ETFA: variants seen among roughly 807,000 people sequenced by gnomAD.
ETFA encodes the protein electron transfer flavoprotein subunit alpha, mitochondrial.
ETFA carries 22 observed loss-of-function variants against 46.2 expected under a neutral mutation model. The ratio of observed to expected loss-of-function variants is 0.48; its 90% CI spans 0.34 to 0.68. The LOEUF (loss-of-function observed/expected upper bound fraction) is 0.68. Among genes scored for constraint, ETFA ranks in the 30% least tolerant of loss-of-function variants. The pLI is 0.01. For synonymous variants in ETFA, 131 were observed against 139.9 expected (o/e 0.94, Z 0.45); for missense variants, 345 against 401.1 (o/e 0.86, Z 1.19).
chr15:76,264,845 A>T (rs2039454104), intron 9 of ETFA, among the ~76,000 whole-genome samples: 1 of 152,252 alleles, frequency 6.6e-6, no homozygotes, highest in Non-Finnish European at 1.5e-5. Context: ...CAAAAAAGGA[A>T]TGTAGAAATG....
chr15:76,227,440 C>G (rs943247849), intron 10 of ETFA, among the ~76,000 whole-genome samples: 4 of 131,572 alleles, frequency 3.0e-5, no homozygotes, highest in African/African-American at 1.2e-4. Flanking sequence ...TCGCTCAACT[C>G]TGGGAGGTGG....
intron 1 of ETFA, among the ~76,000 whole-genome samples, chr15:76,299,196 T>C (rs2039856811): frequency 6.6e-6 from 1 of 152,350 alleles, no homozygotes; most frequent in African/African-American, 2.4e-5. Context: ...ACCTGGGCTC[T>C]CAAAACTGTC....
intron 1 of ETFA, among the ~76,000 whole-genome samples, 199 bp from the exon 2 acceptor site, chr15:76,295,936 C>CCTTTTTTTTTTTTTTTTTT (rs2039816100): frequency 1.9e-4 from 9 of 46,602 alleles, no homozygotes; most frequent in African/African-American, 6.1e-4. Flanking sequence ...CACTAATATT[C>CCTTTTTTTTTTTTTTTTTT]TTTTTTTTTT....
At chr15:76,289,773 T>C (rs1001151087) in intron 4 of ETFA, among the ~76,000 whole-genome samples, 4 of 152,266 alleles carry the variant, frequency 2.6e-5, no homozygotes, top group African/African-American at 4.8e-5. Flanking sequence ...CTTCTTCTGA[T>C]AGACGTTTCT....
At chr15:76,269,086 C>T (rs1230499227) in intron 9 of ETFA, among the ~76,000 whole-genome samples, 1 of 152,234 alleles carries the variant, frequency 6.6e-6, no homozygotes, top group Admixed American at 6.5e-5. Context: ...GGAAGCTCTA[C>T]ACTTGCAGAT....
intron 8 of ETFA, among the ~76,000 whole-genome samples, chr15:76,282,130 C>T (rs1307201641): frequency 1.3e-5 from 2 of 151,968 alleles, no homozygotes; most frequent in African/African-American, 2.4e-5. Context: ...TCTCAAACTC[C>T]GGACCTCAGG....
At chr15:76,301,260 A>C (rs1309903142) in intron 1 of ETFA, among the ~76,000 whole-genome samples, 1 of 152,142 alleles carries the variant, frequency 6.6e-6, no homozygotes, top group Non-Finnish European at 1.5e-5. Context: ...TCATTACAGC[A>C]CTTATCACAC....
At chr15:76,216,919 C>G (rs1404367997) in intron 11 of ETFA, among the ~76,000 whole-genome samples, 2 of 142,004 alleles carry the variant, frequency 1.4e-5, no homozygotes, top group East Asian at 4.1e-4. Flanking sequence ...AATTATGGCT[C>G]ACTGCAGCAT....
At position 76,295,732 on chromosome 15, in the gene ETFA, T is replaced by C; in HGVS notation, c.45A>G (p.Ser15=). 1 of 1,608,304 alleles carries C rather than the reference T, an allele frequency of 6.2e-7. No homozygotes were observed. The highest frequency in any genetic ancestry group is 8.5e-7 in the Non-Finnish European group (1 of 1,178,774). ...AAPGQLRRAA[S]LLRFQSTLVI... Reference sequence around the variant, plus strand: ...CCAGGGTACTCTGAAATCGTAGCAATGAGGCCTAAAAAGAGCAAAAAGGAA... The same window carrying C: ...CCAGGGTACTCTGAAATCGTAGCAACGAGGCCTAAAAAGAGCAAAAAGGAA... The change falls in exon 2 of 12, where the codon TCA becomes TCG. Residue 15 remains serine (S), a synonymous_variant. Coordinates refer to ENST00000557943, the MANE Select transcript of ETFA (RefSeq NM_000126.4).
chr15:76,254,178 G>A (rs575858440), intron 9 of ETFA, among the ~76,000 whole-genome samples: 1 of 152,324 alleles, frequency 6.6e-6, no homozygotes, highest in South Asian at 2.1e-4. Flanking sequence ...CTTTTTGGTT[G>A]AGGAAACACA....
chr15:76,224,159 G>C (rs959915741), intron 11 of ETFA, among the ~76,000 whole-genome samples: 1 of 151,874 alleles, frequency 6.6e-6, no homozygotes, highest in African/African-American at 2.4e-5. Flanking sequence ...TTCTTACTAC[G>C]TGAACAAAGT....
chr15:76,281,539 C>T (rs137944156), intron 8 of ETFA, among the ~76,000 whole-genome samples: 62 of 152,134 alleles, frequency 4.1e-4, no homozygotes, highest in African/African-American at 1.4e-3. Flanking sequence ...GTTTCTCCTG[C>T]CTTAGCCTCC....
At chr15:76,277,751 C>A (rs777794925) in intron 8 of ETFA, among the ~76,000 whole-genome samples, 4 of 152,198 alleles carry the variant, frequency 2.6e-5, no homozygotes, top group Admixed American at 6.5e-5. Context: ...GATCTGCCCA[C>A]CTCGGCCTCC....
intron 9 of ETFA, among the ~76,000 whole-genome samples, chr15:76,265,714 CTT>C (rs2039464280): frequency 1.3e-5 from 2 of 152,062 alleles, no homozygotes; most frequent in East Asian, 1.9e-4. Context: ...GGGGTAGAGA[CTT>C]ATTGCAACAA....
At chr15:76,286,021 T>C (rs1341444565) in intron 6 of ETFA, among the ~76,000 whole-genome samples, 1 of 152,194 alleles carries the variant, frequency 6.6e-6, no homozygotes, top group Non-Finnish European at 1.5e-5. Flanking sequence ...ACACTATATA[T>C]GTTAAAGTGT....
intron 9 of ETFA, among the ~76,000 whole-genome samples, chr15:76,254,932 G>C (rs145843318): frequency 0.012 from 1,793 of 152,162 alleles, 39 homozygotes; most frequent in African/African-American, 0.042. Context: ...CCTTGTGCCT[G>C]CAAGGAAACA....
rs377253936 is a variant in ETFA at position 76,265,640 on chromosome 15, C to T, written c.816+8772G>A. On this transcript the variant is annotated intron_variant, in intron 9 of 11. Coordinates refer to ENST00000557943, the MANE Select transcript of ETFA (RefSeq NM_000126.4). ...AGTTTTTCAAGTCCCTTGATTTTAC[C>T]ATGTCAAGGGCGGGATGGCAGGGAC... 1.5e-4 allele frequency among the ~76,000 whole-genome samples: 23 copies of T among 152,234 alleles called. No homozygotes were observed. In the East Asian group the frequency reaches 2.3e-3, roughly 15 times the overall value.
intron 8 of ETFA, among the ~76,000 whole-genome samples, chr15:76,275,474 A>G (rs2039581748): frequency 6.6e-6 from 1 of 152,050 alleles, no homozygotes; most frequent in African/African-American, 2.4e-5. Flanking sequence ...CATTTACTTT[A>G]TATGTATATG....
At chr15:76,290,339 T>G (rs2039748664) in intron 4 of ETFA, among the ~76,000 whole-genome samples, 1 of 142,390 alleles carries the variant, frequency 7.0e-6, no homozygotes, top group African/African-American at 2.6e-5. Context: ...TACTCTTTTT[T>G]TTTTTTTTTT....
Sources: allele counts gnomAD v4.1 joint callset (sites outside exome capture counted in the v4.1 genomes callset), GRCh38; gene constraint gnomAD v4.1.1; transcripts MANE v1.5; gene names NCBI Gene and HGNC (gene_info 2026-07-23, HGNC 2026-07-21).